CRLF3: variants seen among roughly 807,000 people sequenced by gnomAD.
CRLF3 encodes cytokine receptor-like factor 3.
CRLF3 carries 33 observed loss-of-function variants against 55.0 expected under a neutral mutation model. The observed-to-expected ratio is 0.60, with a 90% CI of 0.46 to 0.80. The LOEUF (loss-of-function observed/expected upper bound fraction) is 0.80. Among genes scored for constraint, CRLF3 ranks in the 30% least tolerant of loss-of-function variants. The pLI, the probability that CRLF3 is intolerant of heterozygous loss-of-function variation, is 0.00. For synonymous variants in CRLF3, 238 were observed against 196.8 expected (o/e 1.21, Z -1.75); for missense variants, 494 against 538.4 (o/e 0.92, Z 0.82).
At chr17:30,813,857 A>T (rs139490645) in intron 1 of CRLF3, among the ~76,000 whole-genome samples, 132 of 152,042 alleles carry the variant, frequency 8.7e-4, no homozygotes, top group African/African-American at 3.1e-3. Flanking sequence ...TTTTACACAG[A>T]AGGAAACTGA....
At position 30,783,051 on chromosome 17, in the gene CRLF3, T is replaced by G. The variant is rs536804249; in HGVS notation, c.*1136A>C. 1.3e-5 allele frequency: 2 copies of G among 152,310 alleles called. No individual in the cohort carries two copies. The highest frequency in any genetic ancestry group is 4.1e-4 in the South Asian group (2 of 4,830). 9.4% of individuals were successfully genotyped at this position (152,310 alleles called of 1,614,324 possible). ...AAAAAAATAAGTATTTACGCTATATTTTTTTGCTCTGCTAAAAAGAGACCA... is the reference window on the plus strand; with the variant it reads ...AAAAAAATAAGTATTTACGCTATATGTTTTTGCTCTGCTAAAAAGAGACCA... On this transcript the variant is annotated 3_prime_UTR_variant, in exon 8 of 8. Coordinates refer to ENST00000324238, the MANE Select transcript of CRLF3 (RefSeq NM_015986.4).
At chr17:30,812,097 G>A (rs186424872) in intron 1 of CRLF3, among the ~76,000 whole-genome samples, 5 of 151,740 alleles carry the variant, frequency 3.3e-5, no homozygotes, top group South Asian at 4.1e-4. Context: ...GCGACAGAGC[G>A]AGACTCCGTC....
At chr17:30,793,941 C>T (rs1368291526) in intron 4 of CRLF3, among the ~76,000 whole-genome samples, 3 of 152,036 alleles carry the variant, frequency 2.0e-5, no homozygotes, top group African/African-American at 7.2e-5. Context: ...CGGGTTCAAG[C>T]CATCCTCTTC....
At chr17:30,793,322 G>A (rs990442343) in intron 5 of CRLF3, 128 bp downstream of exon 5, 8 of 672,942 alleles carry the variant, frequency 1.2e-5, no homozygotes, top group Admixed American at 2.9e-5. Context: ...AAGACATGGT[G>A]CATGTTGTTC....
At chr17:30,819,723 A>G (rs1474602768) in intron 1 of CRLF3, among the ~76,000 whole-genome samples, 2 of 152,308 alleles carry the variant, frequency 1.3e-5, no homozygotes, top group African/African-American at 4.8e-5. Context: ...AGAAAGGCCA[A>G]TGCTGTAGAA....
intron 7 of CRLF3, 137 bp downstream of exon 7, chr17:30,785,782 A>T (rs912168136): frequency 1.1e-3 from 133 of 119,516 alleles, no homozygotes; most frequent in African/African-American, 3.2e-3. Context: ...ACTTCATAAT[A>T]AAAAAAAAAA....
intron 1 of CRLF3, among the ~76,000 whole-genome samples, chr17:30,806,726 T>C (rs1233619811): frequency 6.6e-6 from 1 of 152,186 alleles, no homozygotes; most frequent in African/African-American, 2.4e-5. Context: ...CTTGAACTCC[T>C]GGGCTCAGGT....
rs368418246 is a variant in CRLF3, at chr17:30,799,342, AAC to A, written c.338-1946_338-1945del. ...AAAATATTCAAGTATCAAATGCTGT[AAC>A]ACTCACACTGCCTCAAAGGGATTTT... is the stretch of plus-strand genomic sequence containing the variant. On this transcript the variant is annotated intron_variant, in intron 2 of 7. Transcript: ENST00000324238. Among the ~76,000 whole-genome samples, 42 of 152,244 alleles carry A rather than the reference AAC, an allele frequency of 2.8e-4. 1 individual carries two copies. The South Asian group carries it at 4.8e-3, about 17-fold the overall frequency.
intron 6 of CRLF3, among the ~76,000 whole-genome samples, chr17:30,788,911 A>G (rs542702848): frequency 2.8e-4 from 43 of 152,024 alleles, no homozygotes; most frequent in African/African-American, 1.0e-3. Context: ...CGGCTAACGT[A>G]GTGCCTTCAA....
Position 30,824,652 on chromosome 17 carries a change from C to G in CRLF3, c.-1G>C. 1 of 1,590,022 alleles carries G rather than the reference C, an allele frequency of 6.3e-7. No individual in the cohort carries two copies. Among genetic ancestry groups the G allele is most frequent in the Non-Finnish European group, 8.5e-7 (1 of 1,173,490 alleles). On this transcript the variant is annotated 5_prime_UTR_variant, in exon 1 of 8. Transcript: ENST00000324238. ...GCTCCAGCTCCATCGCCCCCCTCAT[C>G]TGGCCGCGCGGCCGGCGAAACCTAG...
Position 30,797,301 on chromosome 17 carries a change from A to G in CRLF3, c.425+10T>C, listed in dbSNP as rs200671582. 6.2e-7 allele frequency: 1 copy of G among 1,601,818 alleles called. No homozygotes were observed. Among genetic ancestry groups the G allele is most frequent in the East Asian group, 2.2e-5 (1 of 44,802 alleles). On this transcript the variant is annotated intron_variant, in intron 3 of 7. Transcript: ENST00000324238. ...TTAAAAGTAAGTCAAAAAGGCACAAACTCTTTTACCTGTCCAACTGAATGT... is the reference window on the plus strand; with the variant it reads ...TTAAAAGTAAGTCAAAAAGGCACAAGCTCTTTTACCTGTCCAACTGAATGT...
chr17:30,816,381 CA>C (rs2142273068), intron 1 of CRLF3, among the ~76,000 whole-genome samples: 1 of 151,680 alleles, frequency 6.6e-6, no homozygotes, highest in South Asian at 2.1e-4. Context: ...CAAATACAGT[CA>C]AGCATCACAT....
intron 1 of CRLF3, among the ~76,000 whole-genome samples, chr17:30,818,615 G>A (rs545258764): frequency 2.6e-4 from 40 of 151,022 alleles, no homozygotes; most frequent in Non-Finnish European, 5.2e-4. Flanking sequence ...CACCACACCC[G>A]GCTAATTTTT....
At chr17:30,810,700 A>G (rs1041590872) in intron 1 of CRLF3, among the ~76,000 whole-genome samples, 1 of 152,232 alleles carries the variant, frequency 6.6e-6, no homozygotes, top group African/African-American at 2.4e-5. Flanking sequence ...TCAAGTTTGT[A>G]TTTCAATACT....
chr17:30,801,913 G>T (rs1368139239), intron 2 of CRLF3, among the ~76,000 whole-genome samples: 1 of 151,328 alleles, frequency 6.6e-6, no homozygotes, highest in Non-Finnish European at 1.5e-5. Context: ...CTTCTGCTTG[G>T]AATCATGCTG....
chr17:30,820,507 G>A (rs1904958444), intron 1 of CRLF3, among the ~76,000 whole-genome samples: 1 of 152,086 alleles, frequency 6.6e-6, no homozygotes, highest in African/African-American at 2.4e-5. Context: ...TGGCAGCTGG[G>A]CACGGTGGCT....
intron 7 of CRLF3, 44 bp from the exon 8 acceptor site, chr17:30,784,487 T>C (rs1452882344): frequency 3.9e-6 from 6 of 1,528,048 alleles, no homozygotes; most frequent in Non-Finnish European, 5.4e-6. Context: ...GAGCAATAAC[T>C]AAGAGATCTG....
At chr17:30,817,550 C>T (rs1904843062) in intron 1 of CRLF3, among the ~76,000 whole-genome samples, 1 of 152,006 alleles carries the variant, frequency 6.6e-6, no homozygotes, top group African/African-American at 2.4e-5. Context: ...AAAATTGATA[C>T]AAAGTTGCAT....
At position 30,797,373 on chromosome 17, in the gene CRLF3, C is replaced by G. The variant is rs1005916877; in HGVS notation, c.363G>C (p.Val121=). 3.1e-6 allele frequency: 5 copies of G among 1,613,758 alleles called. No individual in the cohort carries two copies. Among genetic ancestry groups the G allele is most frequent in the Non-Finnish European group, 3.4e-6 (4 of 1,179,850 alleles). ...TCCACAGTTTCTCATTCTCTTCTCC[C>G]ACACCACCAAGCATGGCGATTTCAC... ...REGEIAMLGG[V]GEENEKLWSF... The change falls in exon 3 of 8, where the codon GTG becomes GTC. Residue 121 remains valine (V), a synonymous_variant. Transcript: ENST00000324238.
Sources: allele counts gnomAD v4.1 joint callset (sites outside exome capture counted in the v4.1 genomes callset), GRCh38; gene constraint gnomAD v4.1.1; transcripts MANE v1.5; gene names NCBI Gene and HGNC (gene_info 2026-07-23, HGNC 2026-07-21).